GDA: variants seen among roughly 807,000 people sequenced by gnomAD.
GDA encodes guanine deaminase.
Under a neutral mutation model 59.6 loss-of-function variants are expected in GDA, and 18 were observed. The ratio of observed to expected loss-of-function variants is 0.30; its 90% CI spans 0.21 to 0.45. The LOEUF (loss-of-function observed/expected upper bound fraction) is 0.45. GDA is among the 20% of genes least tolerant of loss of function. The pLI, the probability that GDA is intolerant of heterozygous loss-of-function variation, is 1.00. For synonymous variants in GDA, 201 were observed against 201.1 expected, an observed-to-expected ratio of 1.00 and a Z score of 0.00; for missense variants, 427 against 552.3, an observed-to-expected ratio of 0.77 and a Z score of 2.27.
In GDA at chr9:72,159,057, G is replaced by C. The variant is rs375745449; in HGVS notation, c.123+9375G>C. 4.4e-3 allele frequency among the ~76,000 whole-genome samples: 677 copies of C among 152,294 alleles called. 6 individuals are homozygous for C. Among genetic ancestry groups the C allele is most frequent in the African/African-American group, 0.015 (640 of 41,560 alleles). ...TCTCTGCTGTCTTCTGTCATGGAGA[G>C]GGCCAAAACTCTATTGTCCTAAGGC... On this transcript the variant is annotated intron_variant, in intron 1 of 13. Coordinates refer to ENST00000358399, the MANE Select transcript of GDA (RefSeq NM_004293.5).
chr9:72,225,895 T>G, intron 8 of GDA, 111 bp downstream of exon 8: 1 of 568,426 alleles, frequency 1.8e-6, no homozygotes, highest in Non-Finnish European at 3.1e-6. Flanking sequence ...TCTTTAAAAA[T>G]TTTTTTTAAA....
chr9:72,193,555 T>C (rs1832807756), intron 1 of GDA, among the ~76,000 whole-genome samples: 1 of 152,270 alleles, frequency 6.6e-6, no homozygotes, highest in African/African-American at 2.4e-5. Flanking sequence ...ATCACCCTTA[T>C]GGCCACAATC....
At chr9:72,243,875 C>T (rs1400880770) in intron 11 of GDA, among the ~76,000 whole-genome samples, 1 of 152,116 alleles carries the variant, frequency 6.6e-6, no homozygotes, top group Non-Finnish European at 1.5e-5. Context: ...GCAACAAATA[C>T]ATGTGAAAAT....
At chr9:72,168,771 T>C (rs1420406582) in intron 1 of GDA, among the ~76,000 whole-genome samples, 1 of 152,218 alleles carries the variant, frequency 6.6e-6, no homozygotes, top group Non-Finnish European at 1.5e-5. Flanking sequence ...GCAACAACCC[T>C]ATAAATTAAC....
At chr9:72,139,457 T>C (rs1464892659) in intron 1 of GDA, among the ~76,000 whole-genome samples, 3 of 152,222 alleles carry the variant, frequency 2.0e-5, no homozygotes, top group African/African-American at 7.2e-5. Flanking sequence ...TGACCACACC[T>C]CTAACCTGAA....
At chr9:72,150,911 A>G (rs1827128079) in intron 1 of GDA, among the ~76,000 whole-genome samples, 1 of 152,160 alleles carries the variant, frequency 6.6e-6, no homozygotes, top group South Asian at 2.1e-4. Context: ...TTGGTCCTCA[A>G]GTTTCAGGGA....
Position 72,249,987 on chromosome 9 carries a change from T to G in GDA, c.*1645T>G, listed in dbSNP as rs1840527611. On this transcript the variant is annotated 3_prime_UTR_variant, in exon 14 of 14. Transcript: ENST00000358399. The stretch of plus-strand genomic sequence containing the variant: ...ACCTAAAGAGGGAACAAAAGTTAGT[T>G]TTATTTTTTTAATAAACAACAGAGT... 1.0e-6 allele frequency: 1 copy of G among 957,680 alleles called. No individual in the cohort carries two copies. Among genetic ancestry groups the G allele is most frequent in the African/African-American group, 1.8e-5 (1 of 56,688 alleles). 59.3% of individuals were successfully genotyped at this position (957,680 alleles called of 1,614,324 possible).
intron 1 of GDA, among the ~76,000 whole-genome samples, chr9:72,181,131 AT>A (rs1183380861): frequency 2.0e-5 from 3 of 152,036 alleles, no homozygotes; most frequent in African/African-American, 4.8e-5. Flanking sequence ...CATTTTACTT[AT>A]TTTTTTGAAG....
At chr9:72,163,625 T>C (rs1047045605) in intron 1 of GDA, among the ~76,000 whole-genome samples, 14 of 152,074 alleles carry the variant, frequency 9.2e-5, no homozygotes, top group Non-Finnish European at 2.1e-4. Context: ...CCCCAGTAGC[T>C]GGGACTACAG....
At chr9:72,217,826 C>G (rs1245206886) in intron 5 of GDA, among the ~76,000 whole-genome samples, 1 of 152,088 alleles carries the variant, frequency 6.6e-6, no homozygotes, top group Non-Finnish European at 1.5e-5. Context: ...CATATAAATA[C>G]TTTTCTTATA....
intron 1 of GDA, among the ~76,000 whole-genome samples, chr9:72,165,944 A>T (rs1008202962): frequency 1.3e-5 from 2 of 151,838 alleles, no homozygotes; most frequent in African/African-American, 4.8e-5. Flanking sequence ...CTAGTTAAGC[A>T]TTTTAAGATT....
chr9:72,178,387 C>T (rs952130899), intron 1 of GDA, among the ~76,000 whole-genome samples: 6 of 149,618 alleles, frequency 4.0e-5, no homozygotes, highest in African/African-American at 9.9e-5. Context: ...TGTAGGCTTA[C>T]GAATTGGTCT....
chr9:72,118,259 AAG>A (rs377596451), intron 1 of GDA, among the ~76,000 whole-genome samples: 20,343 of 133,340 alleles, frequency 0.15, 2,139 homozygotes, highest in East Asian at 0.5. Context: ...GCGACAGAGC[AAG>A]AGACTCCACC....
At chr9:72,253,343 T>G (rs1179981397), downstream of GDA, 1 of 152,182 alleles carries the variant, frequency 6.6e-6, no homozygotes, top group African/African-American at 2.4e-5. Context: ...AAACAGGATC[T>G]TATGGTGCTT....
chr9:72,135,019 G>A (rs901602095), intron 1 of GDA, among the ~76,000 whole-genome samples: 2 of 152,138 alleles, frequency 1.3e-5, no homozygotes, highest in African/African-American at 4.8e-5. Context: ...CAATATTCCT[G>A]TGGAACCACA....
intron 4 of GDA, among the ~76,000 whole-genome samples, chr9:72,213,673 G>A (rs904165269): frequency 6.6e-5 from 10 of 151,742 alleles, no homozygotes; most frequent in African/African-American, 2.4e-4. Context: ...CGCGGTGGCG[G>A]GCGCCTGTAG....
intron 1 of GDA, among the ~76,000 whole-genome samples, chr9:72,161,603 CA>C (rs1469173898): frequency 6.6e-6 from 1 of 152,108 alleles, no homozygotes; most frequent in Non-Finnish European, 1.5e-5. Flanking sequence ...TAAGGACTTG[CA>C]ATAATGTAGA....
chr9:72,202,882 AGTCC>A, intron 3 of GDA, 140 bp downstream of exon 3: 1 of 485,420 alleles, frequency 2.1e-6, no homozygotes. Context: ...TCTTTTTCAC[AGTCC>A]AGTGAGTTTG....
chr9:72,205,027 G>A (rs901434278), intron 3 of GDA, among the ~76,000 whole-genome samples: 3 of 147,032 alleles, frequency 2.0e-5, no homozygotes, highest in Non-Finnish European at 3.0e-5. Flanking sequence ...CATGAGAATC[G>A]CCTGAACCCG....
Sources: allele counts gnomAD v4.1 joint callset (sites outside exome capture counted in the v4.1 genomes callset), GRCh38; gene constraint gnomAD v4.1.1; transcripts MANE v1.5; gene names NCBI Gene and HGNC (gene_info 2026-07-23, HGNC 2026-07-21).